FAT4: variants seen among roughly 807,000 people sequenced by gnomAD.
FAT4 encodes the protein protocadherin Fat 4.
Under a neutral mutation model 303.9 loss-of-function variants are expected in FAT4, and 84 were observed. The ratio of observed to expected loss-of-function variants is 0.28; its 90% CI spans 0.23 to 0.33. The LOEUF (loss-of-function observed/expected upper bound fraction) is 0.33. Ranked by LOEUF, FAT4 falls within the 10% of genes least tolerant of loss-of-function variation. The pLI is 1.00. For synonymous variants in FAT4, 2,307 were observed against 2,298.8 expected, an observed-to-expected ratio of 1.00 and a Z score of -0.10; for missense variants, 6,005 against 6,146.8, an observed-to-expected ratio of 0.98 and a Z score of 0.77.
intron 10 of FAT4, among the ~76,000 whole-genome samples, chr4:125,459,150 G>GTATA (rs1393634450): frequency 6.6e-6 from 1 of 151,924 alleles, no homozygotes; most frequent in East Asian, 1.9e-4. Flanking sequence ...AGTCTAATAT[G>GTATA]TATATATAAT....
rs555964387 is a variant in FAT4 at position 125,428,951 on chromosome 4, T to A, written c.7019-5294T>A. ...CCTGCCTCTTTGTGATTGCATCTGG[T>A]TTTCATAAATCAATCCCAGGTGGAA... On this transcript the variant is annotated intron_variant, in intron 7 of 17. Transcript: ENST00000394329. Among the ~76,000 whole-genome samples, 11 of 152,292 alleles carry A rather than the reference T, an allele frequency of 7.2e-5. No homozygotes were observed. In the East Asian group the frequency reaches 2.1e-3, roughly 29 times the overall value.
intron 8 of FAT4, among the ~76,000 whole-genome samples, chr4:125,439,300 C>T (rs1460661424): frequency 1.3e-5 from 2 of 151,872 alleles, no homozygotes; most frequent in Admixed American, 6.6e-5. Context: ...ACAAACTCCA[C>T]TGACAAAGTC....
At chr4:125,357,528 A>G (rs1202367084) in intron 2 of FAT4, among the ~76,000 whole-genome samples, 1 of 152,204 alleles carries the variant, frequency 6.6e-6, no homozygotes, top group East Asian at 1.9e-4. Context: ...AGCATTAAGT[A>G]AATGAGATAC....
intron 8 of FAT4, among the ~76,000 whole-genome samples, chr4:125,438,893 G>A (rs565531732): frequency 2.6e-5 from 4 of 152,028 alleles, no homozygotes; most frequent in African/African-American, 9.7e-5. Context: ...ACATGGTTCG[G>A]TTATTTACTG....
rs188077494 is a variant in FAT4, at chr4:125,357,210, T to G, written c.5175+35624T>G. ...TAAACAAAAAGAAGCGTTGAAACCT[T>G]TTAGGGAGTTATGAGAAATAATAGA... is the stretch of plus-strand genomic sequence containing the variant. On this transcript the variant is annotated intron_variant, in intron 2 of 17. Transcript: ENST00000394329. Among the ~76,000 whole-genome samples the G allele has an allele frequency of 5.3e-4, 81 of 152,208 alleles. 1 individual carries two copies. The East Asian group carries it at 0.011, about 21-fold the overall frequency.
At chr4:125,420,981 T>C (rs769123376) in intron 7 of FAT4, among the ~76,000 whole-genome samples, 2 of 152,138 alleles carry the variant, frequency 1.3e-5, no homozygotes, top group African/African-American at 2.4e-5. Flanking sequence ...TGCAGGCTGG[T>C]GTGTAGTGGC....
intron 8 of FAT4, among the ~76,000 whole-genome samples, chr4:125,436,538 T>C (rs1253314692): frequency 6.6e-6 from 1 of 152,120 alleles, no homozygotes; most frequent in African/African-American, 2.4e-5. Context: ...GCGGAGTGTA[T>C]TAGTCTGTTC....
At position 125,468,716 on chromosome 4, in the gene FAT4, T is replaced by C; in HGVS notation, c.12110T>C (p.Leu4037Pro). 1.2e-6 allele frequency: 2 copies of C among 1,614,128 alleles called. No individual in the cohort carries two copies. Among genetic ancestry groups the C allele is most frequent in the Non-Finnish European group, 1.7e-6 (2 of 1,179,990 alleles). ...GCCCTTGAAATTGCCGAAGAAAGAC[T>C]AAGATTCTCTTATAATTTAGGCAGT... The part of the protein sequence containing the change: ...FLALEIAEER[L>P]RFSYNLGSGT... Residue 4037 changes from leucine (L) to proline (P), a missense_variant, in exon 12 of 18, where the codon CTA becomes CCA. Transcript: ENST00000394329.
chr4:125,349,061 A>G (rs962989248), intron 2 of FAT4, among the ~76,000 whole-genome samples: 1 of 151,836 alleles, frequency 6.6e-6, no homozygotes, highest in Non-Finnish European at 1.5e-5. Context: ...ATTCTGAAAA[A>G]GGATTAAATT....
At chr4:125,428,698 A>G (rs1425464245) in intron 7 of FAT4, among the ~76,000 whole-genome samples, 1 of 152,224 alleles carries the variant, frequency 6.6e-6, no homozygotes, top group East Asian at 1.9e-4. Context: ...ATGTACACAC[A>G]CTACATACAA....
intron 2 of FAT4, among the ~76,000 whole-genome samples, chr4:125,387,452 C>T (rs1394129448): frequency 6.6e-6 from 1 of 152,004 alleles, no homozygotes; most frequent in Non-Finnish European, 1.5e-5. Flanking sequence ...TTATTTTGTT[C>T]TTGCAATGTT....
intron 2 of FAT4, among the ~76,000 whole-genome samples, chr4:125,336,837 C>CAAAT (rs10645678): frequency 0.67 from 101,653 of 151,370 alleles, 34,705 homozygotes; most frequent in African/African-American, 0.78. Flanking sequence ...ACTATGAAAA[C>CAAAT]AAAATTAGGC....
In FAT4 at chr4:125,491,436, CAA is replaced by C. The variant is rs1344613292; in HGVS notation, c.14621_14622del (p.Gln4874ArgfsTer3). ...TACTTCCAGAATGCCCAAATTATCT[CAA>C]GTCAATGAATCTGATGCAGATGATG... is the stretch of plus-strand genomic sequence containing the variant. ...VYTSRMPKLS[Q>X]VNESDADDED... On this transcript the variant is annotated frameshift_variant, in exon 18 of 18. Transcript: ENST00000394329. LOFTEE classifies it high-confidence loss of function. The C allele has an allele frequency of 6.2e-7, 1 of 1,614,112 alleles. No homozygotes were observed. Among genetic ancestry groups the C allele is most frequent in the Non-Finnish European group, 8.5e-7 (1 of 1,179,994 alleles).
intron 10 of FAT4, among the ~76,000 whole-genome samples, chr4:125,453,448 C>A (rs964670954): frequency 6.6e-6 from 1 of 152,122 alleles, no homozygotes; most frequent in African/African-American, 2.4e-5. Context: ...GTGGCTCATG[C>A]CTGTAATCCC....
rs780763090 is a variant in FAT4 at position 125,320,213 on chromosome 4, A to G, written c.3802A>G (p.Thr1268Ala). The change falls in exon 2 of 18, where the codon ACA becomes GCA. Residue 1268 changes from threonine to alanine, a missense_variant. Coordinates refer to ENST00000394329, the MANE Select transcript of FAT4 (RefSeq NM_001291303.3). ...FAIDSTSGQV[T>A]LIGKLDYEAT... is the part of the protein sequence containing the mutation. The stretch of plus-strand genomic sequence containing the variant: ...TATAGACAGTACCTCTGGTCAGGTA[A>G]CACTAATTGGCAAATTAGACTATGA... The G allele has an allele frequency of 6.2e-7, 1 of 1,614,006 alleles. No homozygotes were observed.
chr4:125,461,702 CA>C (rs1344672920), intron 10 of FAT4, among the ~76,000 whole-genome samples: 1 of 151,764 alleles, frequency 6.6e-6, no homozygotes. Context: ...TGTGCTTTTA[CA>C]GTGAAAACCA....
rs1304140681 is a variant in FAT4 at position 125,450,986 on chromosome 4, G to A, written c.9976G>A (p.Asp3326Asn). The A allele has an allele frequency of 2.5e-6, 4 of 1,614,084 alleles. No homozygotes were observed. The highest frequency in any genetic ancestry group is 2.7e-5 in the African/African-American group (2 of 75,030). ...GTIVGEVFAS[D>N]RDLGTDGEVH... ...TATTGTTGGAGAAGTGTTTGCTAGC[G>A]ACCGTGATTTGGGCACTGATGGGGA... The change falls in exon 10 of 18, where the codon GAC (aspartate) becomes AAC (asparagine). Residue 3326 changes from aspartate (D) to asparagine (N), a missense_variant. By Grantham distance (23) the Asp-to-Asn change is conservative. Coordinates refer to ENST00000394329, the MANE Select transcript of FAT4 (RefSeq NM_001291303.3).
At chr4:125,321,679 T>A in intron 2 of FAT4, 93 bp downstream of exon 2, 1 of 1,247,274 alleles carries the variant, frequency 8.0e-7, no homozygotes, top group South Asian at 1.8e-5. Context: ...TTACCTTCAT[T>A]GTTTATTGTT....
intron 5 of FAT4, among the ~76,000 whole-genome samples, chr4:125,413,971 G>A (rs888400444): frequency 3.9e-5 from 6 of 151,928 alleles, no homozygotes; most frequent in South Asian, 4.1e-4. Context: ...TGTACAGTAC[G>A]TTTTTATCAT....
Sources: allele counts gnomAD v4.1 joint callset (sites outside exome capture counted in the v4.1 genomes callset), GRCh38; gene constraint gnomAD v4.1.1; transcripts MANE v1.5; gene names NCBI Gene and HGNC (gene_info 2026-07-23, HGNC 2026-07-21).